ETFB: variants seen among roughly 807,000 people sequenced by gnomAD.
ETFB encodes beta-ETF.
A neutral mutation model predicts 25.6 loss-of-function variants in ETFB; 20 were observed. The ratio of observed to expected loss-of-function variants is 0.78; its 90% CI spans 0.55 to 1.14. The LOEUF (loss-of-function observed/expected upper bound fraction) is 1.14. Among genes scored for constraint, ETFB ranks in the 50% most tolerant of loss-of-function variants. The probability of loss-of-function intolerance (pLI) is 0.00; values close to 1 mark genes in which losing one functional copy is unlikely to be tolerated. For missense variants in ETFB, 286 were observed against 342.6 expected (o/e 0.83, Z 1.30); for synonymous variants, 142 against 146.7 (o/e 0.97, Z 0.23).
intron 3 of ETFB, among the ~76,000 whole-genome samples, chr19:51,352,391 C>A (rs944553864): frequency 6.6e-6 from 1 of 152,252 alleles, no homozygotes; most frequent in African/African-American, 2.4e-5. Flanking sequence ...GTAGGATCCT[C>A]CTCTAACCTC....
intron 1 of ETFB, chr19:51,356,980 A>C (rs1986094411): frequency 6.6e-6 from 1 of 151,968 alleles, no homozygotes; most frequent in Non-Finnish European, 1.5e-5. Context: ...AGGACTCTTG[A>C]GATGGCATTC....
At chr19:51,356,715 C>G (rs1986088666) in intron 1 of ETFB, 1 of 152,178 alleles carries the variant, frequency 6.6e-6, no homozygotes, top group Non-Finnish European at 1.5e-5. Flanking sequence ...GCTGCCGTAA[C>G]AAATCACCAT....
intron 5 of ETFB, chr19:51,346,513 C>T (rs1190092109): frequency 4.3e-6 from 1 of 230,554 alleles, no homozygotes; most frequent in African/African-American, 2.3e-5. Context: ...ATGCACCCTT[C>T]CTAGTTAACT....
rs754801507 is a variant in ETFB at position 51,366,371 on chromosome 19, G to A, written c.-45C>T. The A allele has an allele frequency of 1.3e-6, 2 of 1,590,350 alleles. No individual in the cohort carries two copies. The highest frequency in any genetic ancestry group is 1.7e-6 in the Non-Finnish European group (2 of 1,166,572). On this transcript the variant is annotated 5_prime_UTR_variant, in exon 1 of 6. Coordinates refer to ENST00000309244, the MANE Select transcript of ETFB (RefSeq NM_001985.3). Reference sequence around the variant, plus strand: ...ACAGGGTCAGCCCGCACCCTCAGCGGCTCAGTCCAGAAGCCCCACCACCCC... The same window carrying A: ...ACAGGGTCAGCCCGCACCCTCAGCGACTCAGTCCAGAAGCCCCACCACCCC...
At chr19:51,361,936 C>G (rs1038985016) in intron 1 of ETFB, 4 of 151,932 alleles carry the variant, frequency 2.6e-5, no homozygotes, top group Non-Finnish European at 5.9e-5. Context: ...AACTCCTGAC[C>G]TCGTGATCCA....
At chr19:51,352,908 G>A (rs1261979459) in intron 3 of ETFB, among the ~76,000 whole-genome samples, 1 of 152,178 alleles carries the variant, frequency 6.6e-6, no homozygotes, top group Non-Finnish European at 1.5e-5. Context: ...GATTACAGGC[G>A]TAAACCACCG....
Position 51,347,291 on chromosome 19 carries a change from T to C in ETFB, c.439-233A>G, listed in dbSNP as rs116066868. ...ATGTCCCATGTCCTGATGCTGCCAG[T>C]GAGGCCTCCCTGCCTTCCTGACAGG... On this transcript the variant is annotated intron_variant, in intron 4 of 5. Coordinates refer to ENST00000309244, the MANE Select transcript of ETFB (RefSeq NM_001985.3). 3.2e-3 allele frequency: 1,772 copies of C among 554,090 alleles called. 22 individuals carry two copies. The highest frequency in any genetic ancestry group is 0.03 in the African/African-American group (1,607 of 53,028). 34.3% of individuals were successfully genotyped at this position (554,090 alleles called of 1,614,324 possible).
At chr19:51,361,481 G>C (rs1356016656) in intron 1 of ETFB, among the ~76,000 whole-genome samples, 1 of 152,146 alleles carries the variant, frequency 6.6e-6, no homozygotes, top group Non-Finnish European at 1.5e-5. Context: ...TGTCAGACAA[G>C]GTGGCCTTGC....
rs764188419 is a variant in ETFB, at chr19:51,345,278, G to A, written c.701C>T (p.Thr234Met). 12 of 1,614,028 alleles carry A rather than the reference G, an allele frequency of 7.4e-6. No individual in the cohort carries two copies. Among genetic ancestry groups the A allele is most frequent in the South Asian group, 2.2e-5 (2 of 91,080 alleles). ...VISVEDPPQR[T>M]AGVKVETTED... Reference sequence around the variant, plus strand: ...AGTGGTCTCCACCTTGACGCCGGCCGTGCGCTGGGGCGGGTCCTCCACACT... The same window carrying A: ...AGTGGTCTCCACCTTGACGCCGGCCATGCGCTGGGGCGGGTCCTCCACACT... Residue 234 changes from threonine (T) to methionine (M), a missense_variant, in exon 6 of 6, where the codon ACG becomes ATG. Thr to Met is a moderately conservative substitution (Grantham distance 81). Coordinates refer to ENST00000309244, the MANE Select transcript of ETFB (RefSeq NM_001985.3).
Position 51,347,007 on chromosome 19 carries a change from G to A in ETFB, c.490C>T (p.Arg164Trp), listed in dbSNP as rs148045813. The change falls in exon 5 of 6, where the codon CGG becomes TGG. Residue 164 changes from arginine to tryptophan, a missense_variant. Arg to Trp is a moderately radical substitution (Grantham distance 101). Coordinates refer to ENST00000309244, the MANE Select transcript of ETFB (RefSeq NM_001985.3). ...TLEGDKLKVE[R>W]EIDGGLETLR... ...GTCTCCAGGCCCCCATCGATCTCCC[G>A]CTCCACTTTCAACTTGTCCCCCTCC... 30 of 1,612,890 alleles carry A rather than the reference G, an allele frequency of 1.9e-5. No individual in the cohort carries two copies. Among genetic ancestry groups the A allele is most frequent in the South Asian group, 1.1e-5 (1 of 90,664 alleles).
At chr19:51,366,190 C>G in intron 1 of ETFB, 80 bp downstream of exon 1, 1 of 1,400,788 alleles carries the variant, frequency 7.1e-7, no homozygotes, top group Non-Finnish European at 1.0e-6. Flanking sequence ...TACGAGAAGA[C>G]CCCCACCCAG....
intron 1 of ETFB, chr19:51,356,514 GAGGTAA>G (rs1986084470): frequency 6.6e-6 from 1 of 152,154 alleles, no homozygotes; most frequent in East Asian, 1.9e-4. Flanking sequence ...ACAGACAAGG[GAGGTAA>G]GGGAGGTGGG....
intron 1 of ETFB, among the ~76,000 whole-genome samples, chr19:51,359,785 T>C (rs1986174948): frequency 6.6e-6 from 1 of 152,086 alleles, no homozygotes; most frequent in African/African-American, 2.4e-5. Context: ...CTTAGGAGAC[T>C]GAGGAAGGAG....
intron 3 of ETFB, among the ~76,000 whole-genome samples, chr19:51,351,242 G>C (rs987590623): frequency 1.3e-5 from 2 of 152,182 alleles, no homozygotes; most frequent in African/African-American, 2.4e-5. Flanking sequence ...GAGTTTGCTG[G>C]GGCCCTTGGG....
intron 3 of ETFB, among the ~76,000 whole-genome samples, chr19:51,352,257 C>G (rs966248698): frequency 1.3e-5 from 2 of 152,156 alleles, no homozygotes; most frequent in African/African-American, 4.8e-5. Context: ...GATCCCACCC[C>G]TCTTCTGCTC....
At chr19:51,350,135 T>A (rs1312876143) in intron 4 of ETFB, 194 bp downstream of exon 4, 5 of 596,200 alleles carry the variant, frequency 8.4e-6, no homozygotes, top group Admixed American at 8.0e-5. Context: ...TCACGTAGGA[T>A]GGCAAGGAAG....
chr19:51,359,973 T>C (rs563373596), intron 1 of ETFB, among the ~76,000 whole-genome samples: 28 of 152,034 alleles, frequency 1.8e-4, no homozygotes, highest in Admixed American at 5.2e-4. Flanking sequence ...GAGCTGTGAC[T>C]GTACCACTCT....
At chr19:51,356,640 G>C (rs1158426942) in intron 1 of ETFB, 3 of 152,178 alleles carry the variant, frequency 2.0e-5, no homozygotes, top group Non-Finnish European at 2.9e-5. Context: ...GCCAGGGAGA[G>C]AGGCTTCCGG....
chr19:51,355,931 G>A (rs1444269519), intron 1 of ETFB: 1 of 129,142 alleles, frequency 7.7e-6, no homozygotes, highest in African/African-American at 2.9e-5. Context: ...ATCACACACC[G>A]GGGACTGTCG....
Sources: allele counts gnomAD v4.1 joint callset (sites outside exome capture counted in the v4.1 genomes callset), GRCh38; gene constraint gnomAD v4.1.1; transcripts MANE v1.5; gene names NCBI Gene and HGNC (gene_info 2026-07-23, HGNC 2026-07-21).